SUCLG2: variants seen among roughly 807,000 people sequenced by gnomAD.
SUCLG2 encodes succinate-CoA ligase GDP-forming subunit beta.
SUCLG2 carries 42 observed loss-of-function variants against 47.9 expected under a neutral mutation model. The observed-to-expected ratio is 0.88, with a 90% CI of 0.69 to 1.14. The LOEUF is 1.14. Ranked by LOEUF, SUCLG2 falls within the 50% of genes most tolerant of loss-of-function variation. The pLI is 0.00. For synonymous variants in SUCLG2, 195 were observed against 197.3 expected, an observed-to-expected ratio of 0.99 and a Z score of 0.10; for missense variants, 571 against 525.9, an observed-to-expected ratio of 1.09 and a Z score of -0.84.
At chr3:67,379,025 C>A (rs1185724093) in intron 10 of SUCLG2, among the ~76,000 whole-genome samples, 1 of 152,204 alleles carries the variant, frequency 6.6e-6, no homozygotes, top group Non-Finnish European at 1.5e-5. Flanking sequence ...CAGCTCACTG[C>A]AACCTTCACC....
intron 10 of SUCLG2, among the ~76,000 whole-genome samples, chr3:67,383,726 G>A (rs980499017): frequency 3.3e-5 from 5 of 152,032 alleles, no homozygotes; most frequent in East Asian, 1.9e-4. Context: ...CTGATGCTAC[G>A]TGCTTATGCT....
chr3:67,485,242 T>TA (rs1003858510), intron 9 of SUCLG2, among the ~76,000 whole-genome samples: 1 of 152,322 alleles, frequency 6.6e-6, no homozygotes, highest in East Asian at 1.9e-4. Context: ...ATAAAATACA[T>TA]AAAAAATATG....
Position 67,374,853 on chromosome 3 carries a change from G to A in SUCLG2, c.*891C>T. 1.0e-6 allele frequency: 1 copy of A among 984,486 alleles called. No homozygotes were observed. The highest frequency in any genetic ancestry group is 1.2e-6 in the Non-Finnish European group (1 of 829,718). 61.0% of individuals were successfully genotyped at this position (984,486 alleles called of 1,614,324 possible). On this transcript the variant is annotated 3_prime_UTR_variant, in exon 11 of 11. Transcript: ENST00000307227. Reference sequence around the variant, plus strand: ...GGAAAAAAAAAACACATTCAAATAAGGTTCCCATCTTTCTACCATAAACTG... The same window carrying A: ...GGAAAAAAAAAACACATTCAAATAAAGTTCCCATCTTTCTACCATAAACTG...
At chr3:67,512,646 T>A (rs1387431041) in intron 6 of SUCLG2, among the ~76,000 whole-genome samples, 5 of 151,104 alleles carry the variant, frequency 3.3e-5, no homozygotes, top group African/African-American at 1.2e-4. Flanking sequence ...ATACAAAACA[T>A]AAAATTCACC....
chr3:67,620,248 G>C (rs1700709331), intron 1 of SUCLG2, among the ~76,000 whole-genome samples: 2 of 152,136 alleles, frequency 1.3e-5, no homozygotes, highest in Non-Finnish European at 2.9e-5. Flanking sequence ...TTAATGAAGA[G>C]TGTAATTACA....
intron 9 of SUCLG2, among the ~76,000 whole-genome samples, chr3:67,488,369 A>G (rs1438810678): frequency 6.6e-6 from 1 of 152,130 alleles, no homozygotes; most frequent in Non-Finnish European, 1.5e-5. Context: ...TGGGTGGGGC[A>G]GCATGGAAAG....
chr3:67,574,728 CAACT>C (rs1707699169), intron 2 of SUCLG2, among the ~76,000 whole-genome samples: 1 of 152,130 alleles, frequency 6.6e-6, no homozygotes, highest in African/African-American at 2.4e-5. Flanking sequence ...TGTTAAAATT[CAACT>C]TATAGACTTC....
At chr3:67,512,197 G>A (rs1705811171) in intron 6 of SUCLG2, among the ~76,000 whole-genome samples, 1 of 150,842 alleles carries the variant, frequency 6.6e-6, no homozygotes, top group Admixed American at 6.6e-5. Flanking sequence ...ATGGCTTCTG[G>A]CTTTGTGTCA....
chr3:67,438,465 T>C (rs768179756), intron 9 of SUCLG2, among the ~76,000 whole-genome samples: 6 of 151,782 alleles, frequency 4.0e-5, no homozygotes, highest in African/African-American at 7.2e-5. Context: ...TGTTTTTTTT[T>C]AAAGATTAAC....
chr3:67,516,290 C>T (rs916660751), intron 6 of SUCLG2, among the ~76,000 whole-genome samples: 2 of 152,154 alleles, frequency 1.3e-5, no homozygotes, highest in Non-Finnish European at 2.9e-5. Context: ...CTCACATATT[C>T]GTCTTCCTTC....
intron 2 of SUCLG2, among the ~76,000 whole-genome samples, chr3:67,594,982 AC>A (rs1708262208): frequency 6.6e-6 from 1 of 152,092 alleles, no homozygotes; most frequent in Non-Finnish European, 1.5e-5. Flanking sequence ...CAATAACGAT[AC>A]CCCCTCCCCA....
intron 1 of SUCLG2, among the ~76,000 whole-genome samples, chr3:67,626,144 C>G (rs927442400): frequency 6.6e-6 from 1 of 151,902 alleles, no homozygotes; most frequent in Non-Finnish European, 1.5e-5. Flanking sequence ...CTCAGCCTCC[C>G]GAGTAGCTGG....
chr3:67,588,184 C>T (rs1708073235), intron 2 of SUCLG2, among the ~76,000 whole-genome samples: 1 of 152,164 alleles, frequency 6.6e-6, no homozygotes, highest in Non-Finnish European at 1.5e-5. Context: ...GTTGAAGAAA[C>T]ATCTTTAATA....
rs112221297 is a variant in SUCLG2 at position 67,553,514 on chromosome 3, T to C, written c.227-24328A>G. ...TTGGACTTAAATAATTCAAGTTAGA[T>C]ACACTAAACTCCCTTAAGTAATCAG... On this transcript the variant is annotated intron_variant, in intron 2 of 10. Coordinates refer to ENST00000307227, the MANE Select transcript of SUCLG2 (RefSeq NM_003848.4). 5.2e-3 allele frequency among the ~76,000 whole-genome samples: 795 copies of C among 152,350 alleles called. 6 individuals are homozygous for C. The highest frequency in any genetic ancestry group is 0.018 in the African/African-American group (758 of 41,586).
At chr3:67,588,059 G>T (rs1708068995) in intron 2 of SUCLG2, among the ~76,000 whole-genome samples, 1 of 152,044 alleles carries the variant, frequency 6.6e-6, no homozygotes. Context: ...GTTCAGACTG[G>T]GAAAAGATCA....
intron 2 of SUCLG2, among the ~76,000 whole-genome samples, chr3:67,529,464 T>C (rs1199082760): frequency 6.6e-6 from 1 of 152,206 alleles, no homozygotes; most frequent in African/African-American, 2.4e-5. Context: ...CCTTGCTCTT[T>C]TGAGTGTGTC....
chr3:67,625,185 A>G (rs114348847), intron 1 of SUCLG2, among the ~76,000 whole-genome samples: 4,565 of 152,308 alleles, frequency 0.03, 88 homozygotes, highest in Middle Eastern at 0.058. Context: ...AGTATGCTGT[A>G]ATGTCAAGAT....
chr3:67,635,403 G>C (rs767270029), intron 1 of SUCLG2, among the ~76,000 whole-genome samples: 1 of 152,172 alleles, frequency 6.6e-6, no homozygotes, highest in Non-Finnish European at 1.5e-5. Context: ...GTGTGTATCA[G>C]ACATAAGTGA....
intron 2 of SUCLG2, among the ~76,000 whole-genome samples, chr3:67,568,809 C>T (rs986108400): frequency 2.0e-5 from 3 of 152,150 alleles, no homozygotes; most frequent in African/African-American, 4.8e-5. Context: ...ATGGCGTGAA[C>T]CCGGGAGGCG....
Sources: allele counts gnomAD v4.1 joint callset (sites outside exome capture counted in the v4.1 genomes callset), GRCh38; gene constraint gnomAD v4.1.1; transcripts MANE v1.5; gene names NCBI Gene and HGNC (gene_info 2026-07-23, HGNC 2026-07-21).